The following PTPRF variants were observed in gnomAD, a reference collection of about 807,000 sequenced individuals.
PTPRF encodes the protein protein tyrosine phosphatase receptor type F.
Under a neutral mutation model 201.8 loss-of-function variants are expected in PTPRF, and 59 were observed. The observed-to-expected ratio is 0.29, with a 90% CI of 0.24 to 0.36. The LOEUF (loss-of-function observed/expected upper bound fraction) is 0.36. PTPRF is among the 10% of genes least tolerant of loss of function. The probability of loss-of-function intolerance (pLI) is 1.00; values close to 1 mark genes in which losing one functional copy is unlikely to be tolerated. For synonymous variants in PTPRF, 1,088 were observed against 1,089.7 expected, an observed-to-expected ratio of 1.00 and a Z score of 0.03; for missense variants, 2,132 against 2,690.5, an observed-to-expected ratio of 0.79 and a Z score of 4.59.
intron 11 of PTPRF, among the ~76,000 whole-genome samples, chr1:43,597,299 C>G (rs1652552883): frequency 6.6e-6 from 1 of 151,476 alleles, no homozygotes; most frequent in Non-Finnish European, 1.5e-5. Context: ...GTATATGACA[C>G]TATATGTGGA....
intron 3 of PTPRF, among the ~76,000 whole-genome samples, chr1:43,545,684 C>T (rs918915067): frequency 1.3e-5 from 2 of 152,178 alleles, no homozygotes; most frequent in African/African-American, 4.8e-5. Context: ...TGAGCCCCTC[C>T]TTCTCCTTTC....
chr1:43,604,765 G>A (rs1481473062), intron 16 of PTPRF, 138 bp from the exon 17 acceptor site: 15 of 730,892 alleles, frequency 2.1e-5, no homozygotes, highest in East Asian at 5.0e-5. Context: ...GGAGTGGGGC[G>A]CTTGGTACTC....
At chr1:43,536,675 C>T (rs1644032878) in intron 1 of PTPRF, among the ~76,000 whole-genome samples, 1 of 152,210 alleles carries the variant, frequency 6.6e-6, no homozygotes. Context: ...AAGTTTGGGG[C>T]CTGGAAGCTG....
upstream of PTPRF, among the ~76,000 whole-genome samples, chr1:43,522,908 C>T (rs770020112): frequency 1.4e-4 from 21 of 152,116 alleles, no homozygotes; most frequent in Admixed American, 3.9e-4. Context: ...GTTTTCGTGG[C>T]GGAGTGACAT....
At chr1:43,614,582 C>T (rs1018717160) in intron 23 of PTPRF, among the ~76,000 whole-genome samples, 5 of 152,098 alleles carry the variant, frequency 3.3e-5, no homozygotes, top group Admixed American at 1.3e-4. Flanking sequence ...CAGGCGCAGT[C>T]GCTCACGCCT....
chr1:43,558,388 A>C (rs976735348), intron 5 of PTPRF, among the ~76,000 whole-genome samples: 1 of 151,998 alleles, frequency 6.6e-6, no homozygotes, highest in Non-Finnish European at 1.5e-5. Flanking sequence ...AGCCCGTGGG[A>C]GTGCCCCCCC....
At chr1:43,558,677 A>C (rs1645567793) in intron 5 of PTPRF, among the ~76,000 whole-genome samples, 1 of 152,094 alleles carries the variant, frequency 6.6e-6, no homozygotes, top group African/African-American at 2.4e-5. Flanking sequence ...GCGGCGGCTG[A>C]ATCACTCCCC....
chr1:43,592,026 T>C (rs1650908740), intron 10 of PTPRF, 78 bp downstream of exon 10: 2 of 1,572,382 alleles, frequency 1.3e-6, no homozygotes, highest in Admixed American at 3.5e-5. Context: ...CAGGAGGGTA[T>C]TTTCTGGATT....
At chr1:43,614,141 C>A (rs1360504710) in intron 23 of PTPRF, among the ~76,000 whole-genome samples, 1 of 152,234 alleles carries the variant, frequency 6.6e-6, no homozygotes, top group Non-Finnish European at 1.5e-5. Flanking sequence ...TTGGTTCCCC[C>A]ACAGTCTTCA....
chr1:43,547,011 C>A (rs1485652005), intron 3 of PTPRF, among the ~76,000 whole-genome samples: 1 of 152,210 alleles, frequency 6.6e-6, no homozygotes. Flanking sequence ...CCTTCCTAAT[C>A]CATTCTGCAT....
Position 43,597,818 on chromosome 1 carries a change from C to G in PTPRF, c.1884C>G (p.Val628=), listed in dbSNP as rs777001126. 1.2e-6 allele frequency: 2 copies of G among 1,607,762 alleles called. No individual in the cohort carries two copies. Among genetic ancestry groups the G allele is most frequent in the Admixed American group, 3.4e-5 (2 of 59,368 alleles). ...MGSTTVRVSW[V]PPPADSRNGV... The stretch of plus-strand genomic sequence containing the variant: ...CCACCACGGTCCGGGTAAGTTGGGT[C>G]CCGCCGCCTGCCGACAGCCGCAACG... The change falls in exon 12 of 34, where the codon GTC becomes GTG. Residue 628 remains valine, a synonymous_variant. Transcript: ENST00000359947.
At position 43,557,688 on chromosome 1, in the gene PTPRF, A is replaced by G. The variant is rs555078328; in HGVS notation, c.379+3747A>G. Among the ~76,000 whole-genome samples, 253 of 150,314 alleles carry G rather than the reference A, an allele frequency of 1.7e-3. 3 individuals carry two copies. Among genetic ancestry groups the G allele is most frequent in the African/African-American group, 5.8e-3 (236 of 41,036 alleles). ...GGTGCCTCCGTTTGGTTTCTCTACC[A>G]GGGGCCAGCAGTATATGTTTGCGCT... On this transcript the variant is annotated intron_variant, in intron 5 of 33. Transcript: ENST00000359947.
Position 43,548,438 on chromosome 1 carries a change from T to C in PTPRF, c.91+3272T>C, listed in dbSNP as rs116775343. Among the ~76,000 whole-genome samples the C allele has an allele frequency of 2.1e-3, 323 of 152,180 alleles. 1 individual carries two copies. Among genetic ancestry groups the C allele is most frequent in the Non-Finnish European group, 4.1e-3 (281 of 67,982 alleles). On this transcript the variant is annotated intron_variant, in intron 3 of 33. Coordinates refer to ENST00000359947, the MANE Select transcript of PTPRF (RefSeq NM_002840.5). ...AGCCTGTGGAGCACACAGGGTCTGTTGTCTGTCGTCATGCTCTCCCCCTCG... is the reference window on the plus strand; with the variant it reads ...AGCCTGTGGAGCACACAGGGTCTGTCGTCTGTCGTCATGCTCTCCCCCTCG...
At chr1:43,563,380 C>T (rs1358668139) in intron 5 of PTPRF, among the ~76,000 whole-genome samples, 2 of 152,002 alleles carry the variant, frequency 1.3e-5, no homozygotes, top group Admixed American at 6.6e-5. Context: ...GCCAGGTGTG[C>T]GCAGGCATCC....
intron 5 of PTPRF, among the ~76,000 whole-genome samples, chr1:43,566,892 C>A (rs2153985253): frequency 6.6e-6 from 1 of 152,320 alleles, no homozygotes; most frequent in South Asian, 2.1e-4. Flanking sequence ...GAGGGATGAT[C>A]TGAGCCAAGG....
In PTPRF at chr1:43,617,516, T is replaced by C. The variant is rs1658160754; in HGVS notation, c.4143T>C (p.Tyr1381=). 3 of 1,614,138 alleles carry C rather than the reference T, an allele frequency of 1.9e-6. No individual in the cohort carries two copies. Among genetic ancestry groups the C allele is most frequent in the Non-Finnish European group, 2.5e-6 (3 of 1,180,022 alleles). The change falls in exon 24 of 34, where the codon TAT becomes TAC. Residue 1381 remains tyrosine, a synonymous_variant. Transcript: ENST00000359947. The part of the protein sequence containing the change: ...NLEVNKPKNR[Y]ANVIAYDHSR... The stretch of plus-strand genomic sequence containing the variant: ...AGGTGAACAAGCCCAAGAACCGCTA[T>C]GCGAATGTCATCGCCTACGACCACT...
intron 1 of PTPRF, among the ~76,000 whole-genome samples, chr1:43,532,319 G>A (rs1029327732): frequency 2.6e-5 from 4 of 152,226 alleles, no homozygotes. Flanking sequence ...GGGGTGGGGA[G>A]CGCTACCTGC....
intron 2 of PTPRF, 52 bp downstream of exon 2, chr1:43,538,329 G>T: frequency 2.5e-6 from 1 of 398,904 alleles, no homozygotes; most frequent in South Asian, 1.3e-4. Context: ...GGGGTCCTAT[G>T]GACCAGGCTG....
intron 23 of PTPRF, among the ~76,000 whole-genome samples, chr1:43,616,280 G>A (rs1174971151): frequency 6.6e-6 from 1 of 151,140 alleles, no homozygotes; most frequent in Non-Finnish European, 1.5e-5. Context: ...CATGCAAAGT[G>A]CTCACAGCGG....
Sources: allele counts gnomAD v4.1 joint callset (sites outside exome capture counted in the v4.1 genomes callset), GRCh38; gene constraint gnomAD v4.1.1; transcripts MANE v1.5; gene names NCBI Gene and HGNC (gene_info 2026-07-23, HGNC 2026-07-21).